The following LRRIQ3 variants were observed in gnomAD, a reference collection of about 807,000 sequenced individuals.
LRRIQ3 encodes leucine-rich repeat and IQ domain-containing protein 3.
A neutral mutation model predicts 59.3 loss-of-function variants in LRRIQ3; 75 were observed. The ratio of observed to expected loss-of-function variants is 1.26; its 90% CI spans 1.05 to 1.53. LRRIQ3 has a LOEUF of 1.53. Among genes scored for constraint, LRRIQ3 ranks in the 40% most tolerant of loss-of-function variants. The pLI is 0.00. For synonymous variants in LRRIQ3, 250 were observed against 231.3 expected (o/e 1.08, Z -0.73); for missense variants, 831 against 710.0 (o/e 1.17, Z -1.94).
chr1:74,174,901 T>C (rs1378187302), intron 3 of LRRIQ3, among the ~76,000 whole-genome samples: 3 of 152,212 alleles, frequency 2.0e-5, no homozygotes, highest in African/African-American at 4.8e-5. Context: ...GTTTGGTTGC[T>C]AGAGAGAGCT....
At chr1:74,108,687 T>C (rs2100559050) in intron 5 of LRRIQ3, among the ~76,000 whole-genome samples, 1 of 151,946 alleles carries the variant, frequency 6.6e-6, no homozygotes, top group African/African-American at 2.4e-5. Context: ...CAGTTAATTC[T>C]ACTATAATGC....
intron 7 of LRRIQ3, among the ~76,000 whole-genome samples, chr1:74,029,893 T>C (rs997241757): frequency 2.0e-4 from 30 of 152,200 alleles, no homozygotes; most frequent in South Asian, 6.2e-4. Flanking sequence ...ATTGGTCTAT[T>C]AAGAGATTCA....
chr1:74,180,703 T>C (rs1408162482), intron 3 of LRRIQ3: 4 of 1,548,602 alleles, frequency 2.6e-6, no homozygotes, highest in East Asian at 2.4e-5. Context: ...CTTGTTGAAA[T>C]CCCACCTCAT....
intron 5 of LRRIQ3, among the ~76,000 whole-genome samples, chr1:74,075,294 C>G (rs1286381600): frequency 1.3e-5 from 2 of 152,090 alleles, no homozygotes; most frequent in Admixed American, 6.6e-5. Flanking sequence ...GGGCCAGGCA[C>G]AGGGGCTCAC....
chr1:74,169,939 T>A lies in LRRIQ3; in HGVS notation c.573+12599A>T, dbSNP rs550415739. Among the ~76,000 whole-genome samples, 3 of 152,302 alleles carry A rather than the reference T, an allele frequency of 2.0e-5. No individual in the cohort carries two copies. The South Asian group carries it at 6.2e-4, about 32-fold the overall frequency. The stretch of plus-strand genomic sequence containing the variant: ...TAGTAGTGTTATCTTTTCATATATC[T>A]TTTTTATGTATTCATTTTTATGTAT... On this transcript the variant is annotated intron_variant, in intron 3 of 7. Coordinates refer to ENST00000354431, the MANE Select transcript of LRRIQ3 (RefSeq NM_001105659.2).
At chr1:74,172,108 G>A (rs1326954544) in intron 3 of LRRIQ3, among the ~76,000 whole-genome samples, 1 of 151,658 alleles carries the variant, frequency 6.6e-6, no homozygotes, top group Non-Finnish European at 1.5e-5. Context: ...ATTTATTTTT[G>A]CCCTGATCTT....
intron 4 of LRRIQ3, among the ~76,000 whole-genome samples, chr1:74,138,962 C>T (rs934979611): frequency 2.6e-5 from 4 of 151,168 alleles, no homozygotes; most frequent in Non-Finnish European, 4.4e-5. Context: ...ACACTTGAGG[C>T]CAGGAGTTTG....
intron 3 of LRRIQ3, among the ~76,000 whole-genome samples, chr1:74,178,672 T>C (rs1649790971): frequency 6.6e-6 from 1 of 152,164 alleles, no homozygotes; most frequent in African/African-American, 2.4e-5. Context: ...ATTAATAGAA[T>C]ATTGGTTTTG....
chr1:74,083,093 G>A (rs1314266867), intron 5 of LRRIQ3: 1 of 151,488 alleles, frequency 6.6e-6, no homozygotes, highest in Admixed American at 6.6e-5. Context: ...ATATAACAAG[G>A]CAGAAAATAC....
intron 7 of LRRIQ3, among the ~76,000 whole-genome samples, chr1:74,027,284 G>A (rs1010276524): frequency 1.3e-5 from 2 of 151,898 alleles, no homozygotes; most frequent in Non-Finnish European, 1.5e-5. Context: ...CTACTTCTTC[G>A]ACTCTGTTAT....
intron 6 of LRRIQ3, among the ~76,000 whole-genome samples, chr1:74,064,696 CTT>C (rs1366989036): frequency 1.3e-5 from 2 of 151,920 alleles, no homozygotes; most frequent in African/African-American, 2.4e-5. Context: ...TTGAAAGACA[CTT>C]TTTCTGGATT....
At chr1:74,100,836 TG>T (rs1646519309) in intron 5 of LRRIQ3, among the ~76,000 whole-genome samples, 1 of 152,154 alleles carries the variant, frequency 6.6e-6, no homozygotes, top group African/African-American at 2.4e-5. Context: ...TACATGATGC[TG>T]GGAAAACTGG....
At chr1:74,087,570 G>A (rs928446343) in intron 5 of LRRIQ3, among the ~76,000 whole-genome samples, 2 of 150,706 alleles carry the variant, frequency 1.3e-5, no homozygotes, top group East Asian at 1.9e-4. Context: ...GCATGTTGAG[G>A]TGAAAAAGGC....
At position 74,074,646 on chromosome 1, in the gene LRRIQ3, A is replaced by G. The variant is rs1646181710; in HGVS notation, c.997+15T>C. The G allele has an allele frequency of 4.2e-6, 5 of 1,204,568 alleles. No individual in the cohort carries two copies. Among genetic ancestry groups the G allele is most frequent in the Non-Finnish European group, 5.5e-6 (5 of 917,206 alleles). 74.6% of individuals were successfully genotyped at this position (1,204,568 alleles called of 1,614,324 possible). ...ATATATTTATTAAATATAATTAAAA[A>G]TTCATATAACTAACCTTTTTGAATG... On this transcript the variant is annotated intron_variant, in intron 6 of 7. Coordinates refer to ENST00000354431, the MANE Select transcript of LRRIQ3 (RefSeq NM_001105659.2).
At chr1:74,180,848 C>T (rs1013883175) in intron 3 of LRRIQ3, 3 of 1,507,980 alleles carry the variant, frequency 2.0e-6, no homozygotes, top group African/African-American at 2.8e-5. Flanking sequence ...AGGCCTTCCC[C>T]ATCCACCCTA....
chr1:74,173,952 T>G (rs1444204196), intron 3 of LRRIQ3, among the ~76,000 whole-genome samples: 1 of 152,178 alleles, frequency 6.6e-6, no homozygotes, highest in African/African-American at 2.4e-5. Context: ...ATATACCATC[T>G]CATTTTCTTC....
At chr1:74,182,901 T>C (rs764908228) in intron 2 of LRRIQ3, 40 bp from the exon 3 acceptor site, 1 of 1,140,094 alleles carries the variant, frequency 8.8e-7, no homozygotes, top group African/African-American at 1.6e-5. Flanking sequence ...CCAAAATTAC[T>C]TTTTTCGAAT....
intron 4 of LRRIQ3, among the ~76,000 whole-genome samples, chr1:74,126,002 G>A (rs777440228): frequency 2.6e-5 from 4 of 151,734 alleles, no homozygotes; most frequent in Non-Finnish European, 5.9e-5. Context: ...TTTGCTAGGA[G>A]ACTTCCTATT....
chr1:74,182,609 A>T lies in LRRIQ3; in HGVS notation c.502T>A (p.Trp168Arg). Reference sequence around the variant, plus strand: ...GCTTTGAATCTTTCAGGAAGATGCCAGTTCTGAATTATTTCTTCATCAGAA... The same window carrying T: ...GCTTTGAATCTTTCAGGAAGATGCCTGTTCTGAATTATTTCTTCATCAGAA... ...VISDEEIIQNWHLPERFKACN... is the reference protein window; with the variant it reads ...VISDEEIIQNRHLPERFKACN... Residue 168 changes from tryptophan (W) to arginine (R), a missense_variant, in exon 3 of 8, where the codon TGG (tryptophan) becomes AGG (arginine). Trp to Arg is a moderately radical substitution (Grantham distance 101). Transcript: ENST00000354431. 6.2e-7 allele frequency: 1 copy of T among 1,608,080 alleles called. No homozygotes were observed. Among genetic ancestry groups the T allele is most frequent in the Non-Finnish European group, 8.5e-7 (1 of 1,176,914 alleles).
Sources: allele counts gnomAD v4.1 joint callset (sites outside exome capture counted in the v4.1 genomes callset), GRCh38; gene constraint gnomAD v4.1.1; transcripts MANE v1.5; gene names NCBI Gene and HGNC (gene_info 2026-07-23, HGNC 2026-07-21).